HELZ: variants seen among roughly 807,000 people sequenced by gnomAD.
HELZ encodes helicase with zinc finger.
HELZ carries 23 observed loss-of-function variants against 218.2 expected under a neutral mutation model. The ratio of observed to expected loss-of-function variants is 0.11; its 90% CI spans 0.08 to 0.15. HELZ has a LOEUF of 0.15. Ranked by LOEUF, HELZ falls within the 10% of genes least tolerant of loss-of-function variation. The probability of loss-of-function intolerance (pLI) is 1.00; values close to 1 mark genes in which losing one functional copy is unlikely to be tolerated. For synonymous variants in HELZ, 814 were observed against 829.4 expected, an observed-to-expected ratio of 0.98 and a Z score of 0.32; for missense variants, 1,813 against 2,353.7, an observed-to-expected ratio of 0.77 and a Z score of 4.75.
At chr17:67,143,266 G>A (rs574906905) in intron 21 of HELZ, among the ~76,000 whole-genome samples, 6 of 151,958 alleles carry the variant, frequency 3.9e-5, no homozygotes, top group African/African-American at 9.7e-5. Context: ...ACCATCTTAC[G>A]GTTATTATCC....
rs375796439 is a variant in HELZ, at chr17:67,109,331, G to A, written c.4274C>T (p.Ala1425Val). The change falls in exon 29 of 33, where the codon GCG becomes GTG. Residue 1425 changes from alanine (A) to valine (V), a missense_variant. Physicochemically the swap from Ala to Val is moderately conservative, Grantham distance 64. Coordinates refer to ENST00000358691, the MANE Select transcript of HELZ (RefSeq NM_014877.4). ...ATTAAAAAAAGCATTGTTGGGTCCC[G>A]CCTGATATGCAGGAGAAAGCTGAGG... ...PPPQLSPAYQ[A>V]GPNNAFFNSA... 6.8e-6 allele frequency: 11 copies of A among 1,614,046 alleles called. No homozygotes were observed. Among genetic ancestry groups the A allele is most frequent in the Middle Eastern group, 1.6e-4 (1 of 6,084 alleles).
At chr17:67,233,928 C>T (rs1165297919) in intron 3 of HELZ, among the ~76,000 whole-genome samples, 1 of 151,720 alleles carries the variant, frequency 6.6e-6, no homozygotes, top group African/African-American at 2.4e-5. Flanking sequence ...CACCTGTAAT[C>T]CCAGCTACTC....
Position 67,146,362 on chromosome 17 carries a change from A to G in HELZ, c.2622-472T>C, listed in dbSNP as rs139115702. ...TACAAATACTTACCATTGTTTTACA[A>G]TTATCTACAGTATTCAGTACAGTAG... On this transcript the variant is annotated intron_variant, in intron 20 of 32. Transcript: ENST00000358691. Among the ~76,000 whole-genome samples the G allele has an allele frequency of 4.8e-4, 73 of 152,346 alleles. 1 individual carries two copies. The East Asian group carries it at 0.012, about 26-fold the overall frequency.
At chr17:67,196,985 C>T (rs1326870773) in intron 7 of HELZ, among the ~76,000 whole-genome samples, 2 of 152,118 alleles carry the variant, frequency 1.3e-5, no homozygotes, top group African/African-American at 4.8e-5. Flanking sequence ...CTCATTTATC[C>T]CTGAACCAAC....
intron 17 of HELZ, among the ~76,000 whole-genome samples, chr17:67,153,913 A>C (rs2038764341): frequency 6.6e-6 from 1 of 152,222 alleles, no homozygotes; most frequent in Non-Finnish European, 1.5e-5. Context: ...TCAGCTTCCA[A>C]AAAAGTTTAA....
intron 27 of HELZ, among the ~76,000 whole-genome samples, chr17:67,114,777 T>C (rs1324620542): frequency 1.3e-5 from 2 of 152,232 alleles, no homozygotes; most frequent in African/African-American, 2.4e-5. Context: ...CACTTATAAA[T>C]GCAATTAAGC....
At chr17:67,140,152 T>C (rs1034835036) in intron 21 of HELZ, among the ~76,000 whole-genome samples, 1 of 152,190 alleles carries the variant, frequency 6.6e-6, no homozygotes, top group Non-Finnish European at 1.5e-5. Flanking sequence ...GAGCCACACT[T>C]GGTAGCGGCA....
chr17:67,189,110 T>C (rs1335203557), intron 11 of HELZ, among the ~76,000 whole-genome samples: 1 of 152,216 alleles, frequency 6.6e-6, no homozygotes, highest in African/African-American at 2.4e-5. Flanking sequence ...TTTACTTTGC[T>C]TCGATCTTAA....
rs755981734 is a variant in HELZ at position 67,161,053 on chromosome 17, G to C, written c.1919C>G (p.Pro640Arg). Residue 640 changes from proline (P) to arginine (R), a missense_variant, in exon 16 of 33, where the codon CCT becomes CGT. Around this residue, in one of 4 missense-constraint regions of HELZ, gnomAD observed 714 missense variants for 1,029.2 expected, o/e 0.69. Transcript: ENST00000358691. ...PNRQWDEQLD[P>R]RLNAKQKEAV... Reference sequence around the variant, plus strand: ...CTCTTTCTGTTTTGCATTTAGTCGAGGATCCAACTGTTCATCCCATTGTCT... The same window carrying C: ...CTCTTTCTGTTTTGCATTTAGTCGACGATCCAACTGTTCATCCCATTGTCT... 2 of 1,609,854 alleles carry C rather than the reference G, an allele frequency of 1.2e-6. No homozygotes were observed. The highest frequency in any genetic ancestry group is 2.2e-5 in the South Asian group (2 of 90,154).
At chr17:67,243,339 T>C (rs7214718) in intron 2 of HELZ, among the ~76,000 whole-genome samples, 13,358 of 152,206 alleles carry the variant, frequency 0.088, 1,558 homozygotes, top group African/African-American at 0.26. Context: ...TAATTCTTTC[T>C]AACGGAAAGG....
rs1048101150 is a variant in HELZ at position 67,109,759 on chromosome 17, C to T, written c.3919-73G>A. 1.0e-5 allele frequency: 11 copies of T among 1,055,350 alleles called. No individual in the cohort carries two copies. In the South Asian group the frequency reaches 1.2e-4, roughly 12 times the overall value. The allele number at this position is 1,055,350 out of a possible 1,614,324, so 65.4% of individuals were successfully genotyped here. ...AGTTGCTCTCCACCTTTTCCCAACC[C>T]TAACACATCTAAAGGATATGATACA... On this transcript the variant is annotated intron_variant, in intron 28 of 32. Coordinates refer to ENST00000358691, the MANE Select transcript of HELZ (RefSeq NM_014877.4).
At chr17:67,193,234 A>G (rs1455510484) in intron 9 of HELZ, among the ~76,000 whole-genome samples, 4 of 151,456 alleles carry the variant, frequency 2.6e-5, no homozygotes, top group African/African-American at 7.3e-5. Context: ...AGTCCCAGCT[A>G]CTTGGGAGGC....
Position 67,124,166 on chromosome 17 carries a change from T to C in HELZ, c.3388-152A>G, listed in dbSNP as rs1481389201. On this transcript the variant is annotated intron_variant, in intron 24 of 32. Transcript: ENST00000358691. ...ATAATTAATAACCATTAGACTGCTT[T>C]GAGCCAATTTTCTTTTTAAACATTA... The C allele has an allele frequency of 1.2e-5, 6 of 512,208 alleles. No individual in the cohort carries two copies. In the East Asian group the frequency reaches 2.0e-4, roughly 17 times the overall value. The allele number at this position is 512,208 out of a possible 1,614,324, so 31.7% of individuals were successfully genotyped here.
intron 17 of HELZ, among the ~76,000 whole-genome samples, chr17:67,159,658 T>C (rs946558400): frequency 1.3e-5 from 2 of 152,166 alleles, no homozygotes; most frequent in African/African-American, 2.4e-5. Context: ...TATTCCCCCA[T>C]ATCCTATATT....
intron 13 of HELZ, among the ~76,000 whole-genome samples, chr17:67,171,510 C>T (rs1038120426): frequency 1.1e-4 from 17 of 152,182 alleles, no homozygotes; most frequent in Non-Finnish European, 2.2e-4. Flanking sequence ...TTCCTCATAG[C>T]CCTGTTAGTT....
chr17:67,121,122 G>A (rs1025350599), intron 26 of HELZ, among the ~76,000 whole-genome samples: 1 of 152,044 alleles, frequency 6.6e-6, no homozygotes, highest in Non-Finnish European at 1.5e-5. Flanking sequence ...ATTTATTATA[G>A]GTAAAATTCA....
chr17:67,237,199 C>T (rs1164451004), intron 3 of HELZ, among the ~76,000 whole-genome samples: 1 of 152,072 alleles, frequency 6.6e-6, no homozygotes, highest in Admixed American at 6.6e-5. Flanking sequence ...GCAAGAGAAT[C>T]GCTTGAACCC....
At chr17:67,198,545 A>G (rs2040089421) in intron 7 of HELZ, among the ~76,000 whole-genome samples, 1 of 152,264 alleles carries the variant, frequency 6.6e-6, no homozygotes, top group South Asian at 2.1e-4. Flanking sequence ...CGACACCTTC[A>G]GGAAAAATGG....
rs773556195 is a variant in HELZ, at chr17:67,201,223, A to G, written c.373-38T>C. 9 of 1,388,806 alleles carry G rather than the reference A, an allele frequency of 6.5e-6. No homozygotes were observed. The East Asian group carries it at 1.4e-4, about 21-fold the overall frequency. The allele number at this position is 1,388,806 out of a possible 1,614,324, so 86.0% of individuals were successfully genotyped here. On this transcript the variant is annotated intron_variant, in intron 6 of 32. Coordinates refer to ENST00000358691, the MANE Select transcript of HELZ (RefSeq NM_014877.4). ...ATAAAAAAGAGAAGAACCAATTAGT[A>G]TATTAATTCTTTACTATGGCAACTT...
Sources: gnomAD v4.1 joint callset for allele counts (sites outside exome capture counted in the v4.1 genomes callset) on GRCh38, gnomAD v4.1.1 for gene constraint, gnomAD v4.1.1 regional missense constraint, MANE v1.5 for transcripts, NCBI Gene and HGNC (gene_info 2026-07-23, HGNC 2026-07-21) for gene names.